Variants in NBDY observed in about 807,000 individuals in gnomAD.
NBDY encodes negative regulator of P-body association.
At chrX:56,761,258 G>A (rs1286945958) in intron 2 of NBDY, among the ~76,000 whole-genome samples, 2 of 112,448 alleles carry the variant, frequency 1.8e-5, no homozygotes, top group African/African-American at 6.5e-5. Context: ...ACTCATACCT[G>A]GGTCCTGTTG....
chrX:56,738,544 C>T (rs1450239076), intron 2 of NBDY, among the ~76,000 whole-genome samples: 1 of 112,080 alleles, frequency 8.9e-6, no homozygotes, highest in South Asian at 3.8e-4. Flanking sequence ...TTTAACTGAC[C>T]AGCTTCAAGT....
Position 56,796,840 on chromosome X carries a change from A to G in NBDY, c.*167-20480A>G, listed in dbSNP as rs904207603. Among the ~76,000 whole-genome samples the G allele has an allele frequency of 3.6e-5, 4 of 110,096 alleles. No homozygotes were observed. The East Asian group carries it at 1.1e-3, about 31-fold the overall frequency. The stretch of plus-strand genomic sequence containing the variant: ...TTTGATCCCACTCAGGAAAGATCTC[A>G]TTGACAAGAAGCTTCTCGGTTGTGT... On this transcript the variant is annotated intron_variant, in intron 2 of 2. Transcript: ENST00000374922.
chrX:56,767,036 G>A (rs1472120669), intron 2 of NBDY, among the ~76,000 whole-genome samples: 1 of 113,070 alleles, frequency 8.8e-6, no homozygotes, highest in African/African-American at 3.2e-5. Flanking sequence ...AACTCTAACT[G>A]CAACTCCAGG....
At chrX:56,788,782 G>T (rs968396631) in intron 2 of NBDY, among the ~76,000 whole-genome samples, 6 of 112,415 alleles carry the variant, frequency 5.3e-5, no homozygotes, top group African/African-American at 1.9e-4. Context: ...AATGGCTGGG[G>T]GGCAGCTTCA....
rs1257404587 is a variant in NBDY, at chrX:56,797,811, A to T, written c.*167-19509A>T. On this transcript the variant is annotated intron_variant, in intron 2 of 2. Transcript: ENST00000374922. ...AAGCAGGAACTCACAGACCACAGAC[A>T]CAGAACACATGCACACACTCACAAG... 8.1e-5 allele frequency among the ~76,000 whole-genome samples: 9 copies of T among 111,701 alleles called. No individual in the cohort carries two copies. In the Admixed American group the frequency reaches 8.6e-4, roughly 11 times the overall value.
At chrX:56,807,900 C>T (rs941318134) in intron 2 of NBDY, among the ~76,000 whole-genome samples, 1 of 112,120 alleles carries the variant, frequency 8.9e-6, no homozygotes, top group African/African-American at 3.2e-5. Flanking sequence ...TGCCAGTTTT[C>T]AAAGGGAGTA....
chrX:56,766,373 A>G (rs1227095825), intron 2 of NBDY, among the ~76,000 whole-genome samples: 4 of 111,811 alleles, frequency 3.6e-5, no homozygotes, highest in African/African-American at 1.3e-4. Context: ...ACACACATGC[A>G]GGCACTTACA....
chrX:56,781,072 A>G (rs1300341892), intron 2 of NBDY, among the ~76,000 whole-genome samples: 1 of 111,406 alleles, frequency 9.0e-6, no homozygotes, highest in Non-Finnish European at 1.9e-5. Flanking sequence ...GGGTGAAGTA[A>G]GGAACGCAGG....
At chrX:56,785,720 G>T (rs2069724167) in intron 2 of NBDY, among the ~76,000 whole-genome samples, 1 of 111,541 alleles carries the variant, frequency 9.0e-6, no homozygotes. Context: ...CTTGCTGGTG[G>T]CTCTTTTTCT....
chrX:56,789,444 G>A (rs1286015162), intron 2 of NBDY, among the ~76,000 whole-genome samples: 1 of 112,168 alleles, frequency 8.9e-6, no homozygotes, highest in Admixed American at 9.4e-5. Flanking sequence ...ATTCCTCTAG[G>A]AATTGGCCCA....
intron 2 of NBDY, among the ~76,000 whole-genome samples, chrX:56,786,117 C>A (rs1329385260): frequency 9.1e-6 from 1 of 109,557 alleles, no homozygotes; most frequent in Non-Finnish European, 1.9e-5. Flanking sequence ...TGTTTATTAT[C>A]TTTTTTTTTG....
intron 2 of NBDY, among the ~76,000 whole-genome samples, chrX:56,749,654 CTT>C (rs80181550): frequency 2.7e-3 from 220 of 81,788 alleles, no homozygotes; most frequent in Non-Finnish European, 2.7e-3. Context: ...CATTTGCATC[CTT>C]TTTTTTTTTT....
chrX:56,797,017 T>C (rs924190104), intron 2 of NBDY, among the ~76,000 whole-genome samples: 7 of 111,316 alleles, frequency 6.3e-5, no homozygotes, highest in African/African-American at 2.3e-4. Context: ...TTCTTCTTCC[T>C]TTTCCTACTC....
intron 2 of NBDY, among the ~76,000 whole-genome samples, chrX:56,813,231 G>A (rs2069895873): frequency 9.0e-6 from 1 of 111,193 alleles, no homozygotes; most frequent in Non-Finnish European, 1.9e-5. Flanking sequence ...AAATGTCATC[G>A]TGAATTCATG....
intron 2 of NBDY, among the ~76,000 whole-genome samples, chrX:56,803,512 T>A (rs1287251956): frequency 9.0e-6 from 1 of 111,651 alleles, no homozygotes; most frequent in Non-Finnish European, 1.9e-5. Flanking sequence ...GACTGACTGG[T>A]CTTGGGGCTG....
At chrX:56,791,264 GCTTA>G (rs2069761270) in intron 2 of NBDY, among the ~76,000 whole-genome samples, 1 of 112,268 alleles carries the variant, frequency 8.9e-6, no homozygotes, top group Admixed American at 9.4e-5. Flanking sequence ...GGGAAAACAG[GCTTA>G]CTTTTCCTAA....
chrX:56,814,056 C>T (rs939957657), intron 2 of NBDY, among the ~76,000 whole-genome samples: 4 of 108,769 alleles, frequency 3.7e-5, no homozygotes, highest in Non-Finnish European at 7.7e-5. Flanking sequence ...TTGTGTTTTT[C>T]AATTTGTTCT....
rs147896941 is a variant in NBDY at position 56,730,370 on chromosome X, G to A, written c.*29+781G>A. On this transcript the variant is annotated intron_variant, in intron 1 of 2. Transcript: ENST00000374922. ...TACTAAAGTTACAAAAATTAGCCAG[G>A]CGTGATGGTGGACGCCTGTAATCTC... 9.1e-3 allele frequency among the ~76,000 whole-genome samples: 975 copies of A among 106,835 alleles called. 14 individuals are homozygous for A. The highest frequency in any genetic ancestry group is 0.031 in the African/African-American group (927 of 29,429). The allele number at this position is 106,835 out of a possible 115,157, so 92.8% of individuals were successfully genotyped here. A position where few individuals can be genotyped will look rare whatever the true frequency, so the allele number is the denominator to read the frequency against.
chrX:56,731,545 T>C (rs966557205), intron 1 of NBDY, among the ~76,000 whole-genome samples: 1 of 110,036 alleles, frequency 9.1e-6, no homozygotes, highest in Non-Finnish European at 1.9e-5. Context: ...CACTCCAGCC[T>C]GGGCGACAGA....
Sources: allele counts gnomAD v4.1 joint callset (sites outside exome capture counted in the v4.1 genomes callset), GRCh38; gene constraint gnomAD v4.1.1; transcripts MANE v1.5; gene names NCBI Gene and HGNC (gene_info 2026-07-23, HGNC 2026-07-21).